Variants in USP9X observed in about 807,000 individuals in gnomAD.
USP9X encodes ubiquitin specific peptidase 9 X-linked.
Under a neutral mutation model 190.3 loss-of-function variants are expected in USP9X, and 7 were observed. The observed-to-expected ratio is 0.04, with a 90% CI of 0.02 to 0.07. The LOEUF (loss-of-function observed/expected upper bound fraction) is 0.07, where lower values mean the gene tolerates loss of function less well. Ranked by LOEUF, USP9X falls within the 10% of genes least tolerant of loss-of-function variation. The probability of loss-of-function intolerance (pLI) is 1.00; values close to 1 mark genes in which losing one functional copy is unlikely to be tolerated. For synonymous variants in USP9X, 645 were observed against 659.5 expected, an observed-to-expected ratio of 0.98 and a Z score of 0.34; for missense variants, 1,010 against 1,916.9, an observed-to-expected ratio of 0.53 and a Z score of 8.83.
intron 21 of USP9X, among the ~76,000 whole-genome samples, chrX:41,177,032 AGT>A (rs1314687304): frequency 8.9e-6 from 1 of 112,491 alleles, no homozygotes; most frequent in Non-Finnish European, 1.9e-5. Context: ...AGTTTGCCGT[AGT>A]GATGGCAAAA....
chrX:41,220,392 T>C (rs1347439992), intron 38 of USP9X, among the ~76,000 whole-genome samples: 1 of 112,192 alleles, frequency 8.9e-6, no homozygotes, highest in African/African-American at 3.2e-5. Context: ...AAACAAATAC[T>C]GTAGGGCCTG....
At chrX:41,207,648 A>AGGTTT (rs1420268961) in intron 32 of USP9X, among the ~76,000 whole-genome samples, 1 of 111,110 alleles carries the variant, frequency 9.0e-6, no homozygotes, top group African/African-American at 3.3e-5. Context: ...TATAGCAGTG[A>AGGTTT]GGTTTGGTTT....
At chrX:41,220,339 C>G (rs965824757) in intron 38 of USP9X, among the ~76,000 whole-genome samples, 5 of 112,204 alleles carry the variant, frequency 4.5e-5, no homozygotes, top group African/African-American at 1.6e-4. Context: ...AAGCACACAT[C>G]ATTGTTCCAT....
chrX:41,187,935 C>T, intron 24 of USP9X, 57 bp from the exon 25 acceptor site: 1 of 1,061,041 alleles, frequency 9.4e-7, no homozygotes, highest in Non-Finnish European at 1.2e-6. Context: ...TTTTGTTTTT[C>T]TAAACATAAT....
At chrX:41,176,319 A>G (rs149655726) in intron 21 of USP9X, among the ~76,000 whole-genome samples, 1,147 of 111,432 alleles carry the variant, frequency 0.01, 7 homozygotes, top group Non-Finnish European at 0.016. Flanking sequence ...AAACTTGCAC[A>G]TAGTTTAATT....
intron 21 of USP9X, among the ~76,000 whole-genome samples, chrX:41,181,785 T>C (rs995559673): frequency 3.6e-5 from 4 of 110,310 alleles, no homozygotes; most frequent in African/African-American, 1.3e-4. Flanking sequence ...TTTGTAGTGA[T>C]GGGGGTCTTG....
At chrX:41,169,255 A>G (rs2062704657) in intron 18 of USP9X, among the ~76,000 whole-genome samples, 1 of 110,550 alleles carries the variant, frequency 9.0e-6, no homozygotes, top group Non-Finnish European at 1.9e-5. Context: ...GATTACAGGC[A>G]TGAGCCACTG....
At position 41,214,714 on chromosome X, in the gene USP9X, G is replaced by A; in HGVS notation, c.5331+5G>A. Reference sequence around the variant, plus strand: ...TGTGAAAAATGCAATAAAAAGGTACGGGCTGTCCAGTTTTGTTTAATTTTG... The same window carrying A: ...TGTGAAAAATGCAATAAAAAGGTACAGGCTGTCCAGTTTTGTTTAATTTTG... On this transcript the variant is annotated splice_donor_5th_base_variant and intron_variant, in intron 34 of 44. Transcript: ENST00000378308. The A allele has an allele frequency of 8.4e-7, 1 of 1,186,158 alleles. No homozygotes were observed. The highest frequency in any genetic ancestry group is 1.1e-6 in the Non-Finnish European group (1 of 887,203).
At chrX:41,156,630 C>T (rs1004213137) in intron 14 of USP9X, among the ~76,000 whole-genome samples, 4 of 111,743 alleles carry the variant, frequency 3.6e-5, no homozygotes, top group African/African-American at 1.3e-4. Flanking sequence ...CCCACACACC[C>T]AACACCAGCA....
At position 41,196,588 on chromosome X, in the gene USP9X, C is replaced by T; in HGVS notation, c.4087-4C>T. On this transcript the variant is annotated splice_polypyrimidine_tract_variant and splice_region_variant and intron_variant, in intron 27 of 44. Transcript: ENST00000378308. ...AAATTGATATTATTCTACTCTGTTT[C>T]CAGAGCACAGCAAGAGAGAGAGCTA... 1 of 1,205,391 alleles carries T rather than the reference C, an allele frequency of 8.3e-7. No individual in the cohort carries two copies. Among genetic ancestry groups the T allele is most frequent in the Non-Finnish European group, 1.1e-6 (1 of 893,702 alleles).
chrX:41,203,612 G>A (rs934705555), intron 31 of USP9X, among the ~76,000 whole-genome samples: 1 of 112,270 alleles, frequency 8.9e-6, no homozygotes, highest in African/African-American at 3.2e-5. Flanking sequence ...TATACAAATA[G>A]CTGTTTGAGG....
Position 41,189,209 on chromosome X carries a change from G to T in USP9X, c.3811-100G>T, listed in dbSNP as rs2062909536. Reference sequence around the variant, plus strand: ...GCCATGGAGAGGCTGAGGCCAGGTGGTTTAAGTGAGCAGATGAGTTTTAAG... The same window carrying T: ...GCCATGGAGAGGCTGAGGCCAGGTGTTTTAAGTGAGCAGATGAGTTTTAAG... On this transcript the variant is annotated intron_variant, in intron 25 of 44. Coordinates refer to ENST00000378308, the MANE Select transcript of USP9X (RefSeq NM_001039591.3). 3.4e-6 allele frequency: 3 copies of T among 887,617 alleles called. No individual in the cohort carries two copies. The East Asian group carries it at 9.4e-5, about 28-fold the overall frequency. The allele number at this position is 887,617 out of a possible 1,213,427, so 73.1% of individuals were successfully genotyped here.
rs925750058 is a variant in USP9X at position 41,140,528 on chromosome X, T to C, written c.655-128T>C. The C allele has an allele frequency of 1.1e-5, 5 of 468,262 alleles. No individual in the cohort carries two copies. The African/African-American group carries it at 1.2e-4, about 12-fold the overall frequency. The allele number at this position is 468,262 out of a possible 1,213,427, so 38.6% of individuals were successfully genotyped here. A position where few individuals can be genotyped will look rare whatever the true frequency, so the allele number is the denominator to read the frequency against. On this transcript the variant is annotated intron_variant, in intron 6 of 44. Coordinates refer to ENST00000378308, the MANE Select transcript of USP9X (RefSeq NM_001039591.3). ...TTACTATGAACAAAATGCAATGTTT[T>C]GTGGTCCTTTGAAAGATGATTTATT...
In USP9X at chrX:41,233,243, G is replaced by A. The variant is rs2063376854; in HGVS notation, c.*719G>A. ...GTTACCATAATGACAGCAGTTGTCC[G>A]AGAAGTGACAGCTGTATTACTCAGA... On this transcript the variant is annotated 3_prime_UTR_variant, in exon 45 of 45. Transcript: ENST00000378308. 2 of 111,998 alleles carry A rather than the reference G, an allele frequency of 1.8e-5. No individual in the cohort carries two copies. The highest frequency in any genetic ancestry group is 3.8e-5 in the Non-Finnish European group (2 of 53,234). 9.2% of individuals were successfully genotyped at this position (111,998 alleles called of 1,213,427 possible).
chrX:41,097,750 T>C (rs767498555), intron 1 of USP9X, among the ~76,000 whole-genome samples: 1 of 111,742 alleles, frequency 8.9e-6, no homozygotes, highest in Non-Finnish European at 1.9e-5. Context: ...TATTGCGATA[T>C]AATACGTCAT....
chrX:41,133,621 C>T (rs1484537140), intron 4 of USP9X, among the ~76,000 whole-genome samples: 3 of 111,829 alleles, frequency 2.7e-5, no homozygotes, highest in South Asian at 3.7e-4. Context: ...TTAACCATCC[C>T]GCTATTCTTT....
chrX:41,168,503 T>C (rs1216055904), intron 18 of USP9X, among the ~76,000 whole-genome samples: 1 of 112,027 alleles, frequency 8.9e-6, no homozygotes, highest in Non-Finnish European at 1.9e-5. Context: ...AGTTGAAGTG[T>C]TTTTGTTTAT....
chrX:41,123,917 C>T (rs1370877938), intron 2 of USP9X, among the ~76,000 whole-genome samples, 193 bp downstream of exon 2: 1 of 110,712 alleles, frequency 9.0e-6, no homozygotes, highest in Non-Finnish European at 1.9e-5. Context: ...GTAGCATGCA[C>T]CTGTAATCCC....
chrX:41,118,246 CTT>C (rs1283029645), intron 1 of USP9X, among the ~76,000 whole-genome samples: 4 of 111,496 alleles, frequency 3.6e-5, no homozygotes, highest in African/African-American at 1.3e-4. Context: ...CAGAACTTCT[CTT>C]CTTTCCAAAC....
Sources: gnomAD v4.1 joint callset for allele counts (sites outside exome capture counted in the v4.1 genomes callset) on GRCh38, gnomAD v4.1.1 for gene constraint, MANE v1.5 for transcripts, NCBI Gene and HGNC (gene_info 2026-07-23, HGNC 2026-07-21) for gene names.